Variants in KIF6 observed in about 807,000 individuals in gnomAD.
KIF6 encodes the protein kinesin-like protein KIF6.
KIF6 carries 106 observed loss-of-function variants against 112.7 expected under a neutral mutation model. That is an observed-to-expected ratio of 0.94 (90% confidence interval 0.80 to 1.11). The LOEUF is 1.11. KIF6 is among the 50% of genes least tolerant of loss of function. KIF6 has a pLI of 0.00. For missense variants in KIF6, 929 were observed against 964.0 expected, an observed-to-expected ratio of 0.96 and a Z score of 0.48; for synonymous variants, 339 against 339.9, an observed-to-expected ratio of 1.00 and a Z score of 0.03.
rs115691584 is a variant in KIF6 at position 39,694,431 on chromosome 6, C to T, written c.251+20261G>A. 6.3e-3 allele frequency among the ~76,000 whole-genome samples: 955 copies of T among 152,192 alleles called. 10 individuals are homozygous for T. The highest frequency in any genetic ancestry group is 0.021 in the Admixed American group (322 of 15,284). On this transcript the variant is annotated intron_variant, in intron 3 of 22. Coordinates refer to ENST00000287152, the MANE Select transcript of KIF6 (RefSeq NM_145027.6). ...ACCTAGAAAACCTTAAGGATTCTGC[C>T]GAAAGTCTCCTAGACCTGATAAATG... is the stretch of plus-strand genomic sequence containing the variant.
chr6:39,570,018 C>T (rs1023678257), intron 10 of KIF6, among the ~76,000 whole-genome samples: 1 of 152,142 alleles, frequency 6.6e-6, no homozygotes, highest in African/African-American at 2.4e-5. Context: ...TATTTATTTG[C>T]ATTTCAATAT....
intron 10 of KIF6, among the ~76,000 whole-genome samples, chr6:39,549,682 G>C (rs1209696447): frequency 6.6e-6 from 1 of 152,186 alleles, no homozygotes; most frequent in African/African-American, 2.4e-5. Flanking sequence ...CAGTTGCTTA[G>C]ATCTTAGCAA....
At chr6:39,718,184 C>T (rs302582) in intron 2 of KIF6, among the ~76,000 whole-genome samples, 4 of 138,736 alleles carry the variant, frequency 2.9e-5, no homozygotes, top group East Asian at 2.2e-4. Context: ...GAGCCGAGAT[C>T]GCGCCATTGC....
At chr6:39,691,408 G>C (rs1051422304) in intron 3 of KIF6, 1 of 152,158 alleles carries the variant, frequency 6.6e-6, no homozygotes, top group Non-Finnish European at 1.5e-5. Flanking sequence ...GCTCACTTTT[G>C]TAAGTTATAT....
intron 3 of KIF6, among the ~76,000 whole-genome samples, chr6:39,647,884 G>T (rs1366034987): frequency 6.6e-6 from 1 of 151,770 alleles, no homozygotes; most frequent in East Asian, 1.9e-4. Flanking sequence ...GCTAATTTTG[G>T]TATTTTTGTA....
At chr6:39,457,899 A>G (rs1314079010) in intron 13 of KIF6, among the ~76,000 whole-genome samples, 2 of 150,650 alleles carry the variant, frequency 1.3e-5, no homozygotes, top group African/African-American at 4.9e-5. Flanking sequence ...AATGAAAAAG[A>G]GTCCAGGACC....
intron 13 of KIF6, among the ~76,000 whole-genome samples, chr6:39,514,514 A>G (rs752994262): frequency 6.6e-6 from 1 of 152,252 alleles, no homozygotes; most frequent in Non-Finnish European, 1.5e-5. Flanking sequence ...CTCAATGTCT[A>G]TTAGTTACAT....
intron 10 of KIF6, among the ~76,000 whole-genome samples, chr6:39,557,680 CG>C (rs1779780667): frequency 6.6e-6 from 1 of 151,644 alleles, no homozygotes; most frequent in Admixed American, 6.6e-5. Flanking sequence ...TTTTTTTGGA[CG>C]GAGGGGTCCA....
rs1562112885 is a variant in KIF6, at chr6:39,346,087, C to CTCTCTCTCTCTCTCTCTCTCTCTCTCTCT, written c.2232-299_2232-298insAGAGAGAGAGAGAGAGAGAGAGAGAGAGA. On this transcript the variant is annotated intron_variant, in intron 20 of 22. Coordinates refer to ENST00000287152, the MANE Select transcript of KIF6 (RefSeq NM_145027.6). ...CTCTCTCTCTCTCTCTCTCTCTCTC[C>CTCTCTCTCTCTCTCTCTCTCTCTCTCTCT]CCCCCCTCTCCCTCCCCCCCTCCCT... Among the ~76,000 whole-genome samples the CTCTCTCTCTCTCTCTCTCTCTCTCTCTCT allele has an allele frequency of 7.1e-4, 2 of 2,820 alleles. 1 individual carries two copies. Among genetic ancestry groups the CTCTCTCTCTCTCTCTCTCTCTCTCTCTCT allele is most frequent in the African/African-American group, 2.2e-3 (2 of 910 alleles). The allele number at this position is 2,820 out of a possible 152,430, so 1.9% of individuals were successfully genotyped here. A position where few individuals can be genotyped will look rare whatever the true frequency, so the allele number is the denominator to read the frequency against.
chr6:39,550,931 T>C (rs563198280), intron 10 of KIF6, among the ~76,000 whole-genome samples: 13 of 152,360 alleles, frequency 8.5e-5, no homozygotes, highest in African/African-American at 2.6e-4. Flanking sequence ...TAAAGGATTA[T>C]TTTCTATGGC....
At chr6:39,574,173 T>C (rs966588217) in intron 10 of KIF6, among the ~76,000 whole-genome samples, 2 of 152,240 alleles carry the variant, frequency 1.3e-5, no homozygotes, top group Admixed American at 1.3e-4. Flanking sequence ...TTGACTGCTA[T>C]GCCTTCTAAA....
intron 6 of KIF6, among the ~76,000 whole-genome samples, chr6:39,601,711 GACACACACACACACAC>G (rs10532285): frequency 1.5e-4 from 22 of 147,496 alleles, no homozygotes; most frequent in East Asian, 9.9e-4. Context: ...ATTTCTTTGG[GACACACACACACACAC>G]ACACACACAC....
At chr6:39,627,126 T>G (rs1244576123) in intron 5 of KIF6, among the ~76,000 whole-genome samples, 1 of 152,174 alleles carries the variant, frequency 6.6e-6, no homozygotes, top group Non-Finnish European at 1.5e-5. Flanking sequence ...ACTCCCTTAC[T>G]GGGTTCCAGT....
At chr6:39,534,393 GCTCCAGAA>G (rs201442004) in intron 13 of KIF6, among the ~76,000 whole-genome samples, 2,108 of 152,276 alleles carry the variant, frequency 0.014, 26 homozygotes, top group Middle Eastern at 0.054. Context: ...GAAAGCCAAG[GCTCCAGAA>G]CTACATGAAG....
intron 13 of KIF6, among the ~76,000 whole-genome samples, chr6:39,507,633 CTTTCCCCTT>C (rs749372332): frequency 0.023 from 1,080 of 47,884 alleles, 12 homozygotes; most frequent in Middle Eastern, 0.052. Flanking sequence ...CTTTCCTTTC[CTTTCCCCTT>C]CCTTCCTTCC....
chr6:39,370,985 T>TA (rs994655157), intron 16 of KIF6, among the ~76,000 whole-genome samples: 1 of 152,144 alleles, frequency 6.6e-6, no homozygotes, highest in African/African-American at 2.4e-5. Context: ...AGAGGGAGGT[T>TA]AGGGGCATTT....
intron 15 of KIF6, among the ~76,000 whole-genome samples, chr6:39,415,254 C>G (rs1769821260): frequency 8.0e-6 from 1 of 125,044 alleles, no homozygotes. Context: ...GAATCTAAGA[C>G]AATGTCAACT....
chr6:39,675,818 A>C (rs1285910827), intron 3 of KIF6, among the ~76,000 whole-genome samples: 1 of 152,126 alleles, frequency 6.6e-6, no homozygotes, highest in Non-Finnish European at 1.5e-5. Context: ...AAATGAAGAT[A>C]TCACCATTGA....
intron 3 of KIF6, among the ~76,000 whole-genome samples, chr6:39,700,132 A>C (rs1788796037): frequency 6.6e-6 from 1 of 152,258 alleles, no homozygotes; most frequent in Admixed American, 6.5e-5. Context: ...TCAAGCATTT[A>C]TCCTTTGTAT....
Sources: gnomAD v4.1 joint callset for allele counts (sites outside exome capture counted in the v4.1 genomes callset) on GRCh38, gnomAD v4.1.1 for gene constraint, MANE v1.5 for transcripts, NCBI Gene and HGNC (gene_info 2026-07-23, HGNC 2026-07-21) for gene names.